The following LY86 variants were observed in gnomAD, a reference collection of about 807,000 sequenced individuals.
LY86 encodes MD-1, RP105-associated.
Under a neutral mutation model 17.3 loss-of-function variants are expected in LY86, and 20 were observed. The observed-to-expected ratio is 1.15, with a 90% CI of 0.81 to 1.68. LY86 has a LOEUF of 1.68. LY86 is among the 40% of genes most tolerant of loss of function. The probability of loss-of-function intolerance (pLI) is 0.00; values close to 1 mark genes in which losing one functional copy is unlikely to be tolerated. For synonymous variants in LY86, 74 were observed against 70.6 expected (o/e 1.05, Z -0.24); for missense variants, 200 against 191.9 (o/e 1.04, Z -0.25).
chr6:6,613,062 T>TC (rs1311662388), intron 1 of LY86, among the ~76,000 whole-genome samples: 1 of 152,146 alleles, frequency 6.6e-6, no homozygotes, highest in Non-Finnish European at 1.5e-5. Context: ...CTTCTCCAAG[T>TC]CCCCACCAGA....
chr6:6,595,882 A>AGT (rs1760697413), intron 1 of LY86, among the ~76,000 whole-genome samples: 1 of 152,190 alleles, frequency 6.6e-6, no homozygotes. Context: ...CCTATTCAGC[A>AGT]GTGTGTGGAG....
intron 1 of LY86, among the ~76,000 whole-genome samples, chr6:6,608,531 G>A (rs754763084): frequency 1.6e-4 from 24 of 152,118 alleles, no homozygotes; most frequent in African/African-American, 4.8e-4. Context: ...AATGTTTACC[G>A]GCCCAGTCCT....
At chr6:6,627,762 C>G (rs1357812538) in intron 3 of LY86, among the ~76,000 whole-genome samples, 2 of 152,156 alleles carry the variant, frequency 1.3e-5, no homozygotes, top group East Asian at 3.8e-4. Flanking sequence ...CCCACACCAA[C>G]CTTACAAGTT....
intron 3 of LY86, among the ~76,000 whole-genome samples, chr6:6,644,227 C>T (rs758582724): frequency 7.9e-5 from 12 of 152,150 alleles, no homozygotes; most frequent in Non-Finnish European, 1.2e-4. Flanking sequence ...AAGAGGCAGA[C>T]CAGGACACAG....
chr6:6,646,586 G>A (rs1268416281), intron 3 of LY86, among the ~76,000 whole-genome samples: 1 of 152,112 alleles, frequency 6.6e-6, no homozygotes, highest in African/African-American at 2.4e-5. Flanking sequence ...CAAGCCCTCT[G>A]CCATGTGGCT....
chr6:6,626,543 T>C, intron 3 of LY86, 122 bp downstream of exon 3: 3 of 996,654 alleles, frequency 3.0e-6, no homozygotes, highest in Non-Finnish European at 4.4e-6. Flanking sequence ...TGGACGAGCT[T>C]ATCCTCACTT....
intron 3 of LY86, among the ~76,000 whole-genome samples, chr6:6,638,690 G>T (rs1761995093): frequency 6.6e-6 from 1 of 151,694 alleles, no homozygotes; most frequent in Non-Finnish European, 1.5e-5. Flanking sequence ...TAAGTTTTAG[G>T]GTACATGTGC....
At chr6:6,615,460 G>A (rs985456110) in intron 1 of LY86, among the ~76,000 whole-genome samples, 5 of 152,116 alleles carry the variant, frequency 3.3e-5, no homozygotes, top group African/African-American at 9.7e-5. Flanking sequence ...GGTGGCTCAC[G>A]CCTGTAATCC....
intron 2 of LY86, among the ~76,000 whole-genome samples, chr6:6,625,418 A>G (rs914313371): frequency 6.6e-5 from 10 of 152,256 alleles, no homozygotes; most frequent in African/African-American, 2.4e-4. Flanking sequence ...TTTGTATCCC[A>G]AATAGTTAAT....
intron 1 of LY86, among the ~76,000 whole-genome samples, chr6:6,614,142 C>T (rs555313983): frequency 6.6e-6 from 1 of 152,130 alleles, no homozygotes; most frequent in Non-Finnish European, 1.5e-5. Flanking sequence ...CTTTCCATCT[C>T]CAAAAGTCAC....
At chr6:6,612,055 TG>T (rs1330007929) in intron 1 of LY86, among the ~76,000 whole-genome samples, 1 of 152,036 alleles carries the variant, frequency 6.6e-6, no homozygotes, top group Non-Finnish European at 1.5e-5. Context: ...AAATTGAAGA[TG>T]TTAAAAAGCC....
Position 6,613,936 on chromosome 6 carries a change from G to T in LY86, c.137-10990G>T, listed in dbSNP as rs140729536. Among the ~76,000 whole-genome samples the T allele has an allele frequency of 4.1e-3, 627 of 152,370 alleles. 2 individuals are homozygous for T. Among genetic ancestry groups the T allele is most frequent in the Non-Finnish European group, 4.9e-3 (336 of 68,034 alleles). ...TGCTAGAGTGGGGAATTCAGAAATC[G>T]TGAAGGGACGTTTTTAGCTCATTCT... On this transcript the variant is annotated intron_variant, in intron 1 of 4. Coordinates refer to ENST00000230568, the MANE Select transcript of LY86 (RefSeq NM_004271.4).
At chr6:6,637,421 T>C (rs919892159) in intron 3 of LY86, among the ~76,000 whole-genome samples, 1 of 152,184 alleles carries the variant, frequency 6.6e-6, no homozygotes, top group Non-Finnish European at 1.5e-5. Context: ...TTGACATCAG[T>C]CAATTCTTTA....
intron 1 of LY86, among the ~76,000 whole-genome samples, chr6:6,612,350 T>G (rs2113118605): frequency 6.6e-6 from 1 of 152,358 alleles, no homozygotes; most frequent in Admixed American, 6.5e-5. Context: ...AGCATTACAC[T>G]TCTTAAGGTG....
intron 1 of LY86, among the ~76,000 whole-genome samples, chr6:6,589,328 C>CCT (rs1181753125): frequency 6.6e-6 from 1 of 152,154 alleles, no homozygotes; most frequent in Non-Finnish European, 1.5e-5. Flanking sequence ...GATTCCTGTC[C>CCT]CTCTCTGGAC....
chr6:6,604,848 A>AG (rs1761046580), intron 1 of LY86, among the ~76,000 whole-genome samples: 2 of 151,754 alleles, frequency 1.3e-5, no homozygotes, highest in Admixed American at 1.3e-4. Flanking sequence ...GAAAAAAAAA[A>AG]ATGGTAAAAG....
chr6:6,600,251 A>G lies in LY86; in HGVS notation c.136+11381A>G, dbSNP rs181163953. On this transcript the variant is annotated intron_variant, in intron 1 of 4. Coordinates refer to ENST00000230568, the MANE Select transcript of LY86 (RefSeq NM_004271.4). The stretch of plus-strand genomic sequence containing the variant: ...TAGGAGCCTCATTAAGGAGTCCAAC[A>G]GCCTTTAGTAAACACATAACCATGA... 3.3e-5 allele frequency among the ~76,000 whole-genome samples: 5 copies of G among 152,296 alleles called. No homozygotes were observed. In the East Asian group the frequency reaches 7.7e-4, roughly 24 times the overall value.
intron 1 of LY86, among the ~76,000 whole-genome samples, chr6:6,595,878 C>T (rs1760697258): frequency 6.6e-6 from 1 of 152,200 alleles, no homozygotes. Context: ...AAGCCCTATT[C>T]AGCAGTGTGT....
At chr6:6,603,270 C>T (rs1477816127) in intron 1 of LY86, among the ~76,000 whole-genome samples, 1 of 152,024 alleles carries the variant, frequency 6.6e-6, no homozygotes, top group South Asian at 2.1e-4. Context: ...AACATTCATA[C>T]CAAAGCACCC....
Sources: gnomAD v4.1 joint callset for allele counts (sites outside exome capture counted in the v4.1 genomes callset) on GRCh38, gnomAD v4.1.1 for gene constraint, MANE v1.5 for transcripts, NCBI Gene and HGNC (gene_info 2026-07-23, HGNC 2026-07-21) for gene names.